Variants in PIEZO2 observed in about 807,000 individuals in gnomAD.
PIEZO2 encodes piezo-type mechanosensitive ion channel component 2.
A neutral mutation model predicts 337.3 loss-of-function variants in PIEZO2; 172 were observed. The ratio of observed to expected loss-of-function variants is 0.51; its 90% confidence interval spans 0.45 to 0.58. The LOEUF is 0.58. Among genes scored for constraint, PIEZO2 ranks in the 20% least tolerant of loss-of-function variants. The pLI is 0.00. For missense variants in PIEZO2, 3,028 were observed against 3,391.3 expected, an observed-to-expected ratio of 0.89 and a Z score of 2.66; for synonymous variants, 1,251 against 1,228.5, an observed-to-expected ratio of 1.02 and a Z score of -0.38.
Position 10,675,242 on chromosome 18 carries a change from A to T in PIEZO2, c.8128T>A (p.Ser2710Thr). The T allele has an allele frequency of 6.4e-7, 1 of 1,553,094 alleles. No homozygotes were observed. The highest frequency in any genetic ancestry group is 8.7e-7 in the Non-Finnish European group (1 of 1,146,768). ...AGTTGCTTTATAGGTTTTGAGTTAG[A>T]ATCACTAGGTGCTTTCACATAATAT... Reference protein sequence around the residue: ...YPYYVKAPSDSNSKPIKQLLS... With the variant: ...YPYYVKAPSDTNSKPIKQLLS... The change falls in exon 54 of 56, where the codon TCT becomes ACT. Residue 2710 changes from serine to threonine, a missense_variant. This residue lies in a region of PIEZO2 where 332 missense variants were observed against 363.8 expected (regional missense o/e 0.91). Coordinates refer to ENST00000674853, the MANE Select transcript of PIEZO2 (RefSeq NM_001378183.1).
chr18:10,778,226 G>A (rs1189246749), intron 18 of PIEZO2, among the ~76,000 whole-genome samples: 2 of 152,044 alleles, frequency 1.3e-5, no homozygotes, highest in African/African-American at 2.4e-5. Context: ...CATTCTAATG[G>A]ATAATCAGCC....
Position 10,973,461 on chromosome 18 carries a change from G to A in PIEZO2, c.286+6074C>T, listed in dbSNP as rs2034321650. Among the ~76,000 whole-genome samples, 1 of 152,170 alleles carries A rather than the reference G, an allele frequency of 6.6e-6. No homozygotes were observed. The highest frequency in any genetic ancestry group is 2.4e-5 in the African/African-American group (1 of 41,438). ...AGGCAGTGCCTCAATCACCAGGGGTGGAAGAAAACAGCACTTAAGGCAAAG... is the reference window on the plus strand; with the variant it reads ...AGGCAGTGCCTCAATCACCAGGGGTAGAAGAAAACAGCACTTAAGGCAAAG... On this transcript the variant is annotated intron_variant, in intron 3 of 55. Coordinates refer to ENST00000674853, the MANE Select transcript of PIEZO2 (RefSeq NM_001378183.1). This position sits in a 1 kb window ranked among gnomAD's most constrained non-coding sequence, Gnocchi z 4.9.
chr18:11,007,735 G>A (rs894726708), intron 2 of PIEZO2, among the ~76,000 whole-genome samples: 1 of 152,122 alleles, frequency 6.6e-6, no homozygotes, highest in African/African-American at 2.4e-5. Context: ...CTGAACTGAG[G>A]GGGGTGGCAA....
intron 2 of PIEZO2, among the ~76,000 whole-genome samples, chr18:10,995,148 A>G (rs1357408676): frequency 6.7e-6 from 1 of 150,220 alleles, no homozygotes; most frequent in East Asian, 1.9e-4. Flanking sequence ...TTTTTTTTAA[A>G]TTTTTTGACT....
At chr18:10,975,765 T>G (rs1269878289) in intron 3 of PIEZO2, among the ~76,000 whole-genome samples, 1 of 152,146 alleles carries the variant, frequency 6.6e-6, no homozygotes, top group African/African-American at 2.4e-5. Context: ...AAAGAAGTTG[T>G]TAGGAAAACA....
chr18:10,976,452 C>T (rs1328184986), intron 3 of PIEZO2, among the ~76,000 whole-genome samples: 2 of 152,304 alleles, frequency 1.3e-5, no homozygotes, highest in East Asian at 3.9e-4. Flanking sequence ...CAATCTTTCA[C>T]ATATCCCTTC....
At chr18:11,075,870 G>A (rs2038523663) in intron 1 of PIEZO2, among the ~76,000 whole-genome samples, 1 of 148,106 alleles carries the variant, frequency 6.8e-6, no homozygotes, top group African/African-American at 2.5e-5. Context: ...CTCACTGCAA[G>A]CTCTGCCTCC....
intron 2 of PIEZO2, among the ~76,000 whole-genome samples, chr18:10,997,317 C>T (rs1223043051): frequency 6.6e-6 from 1 of 151,076 alleles, no homozygotes; most frequent in African/African-American, 2.4e-5. Flanking sequence ...TAATATGACC[C>T]AGAGTCACAT....
intron 3 of PIEZO2, among the ~76,000 whole-genome samples, chr18:10,966,600 T>G (rs1178362470): frequency 6.6e-6 from 1 of 152,152 alleles, no homozygotes; most frequent in Non-Finnish European, 1.5e-5. Context: ...GAGTAGCTGT[T>G]ATTTTTTTAA....
At chr18:10,725,228 A>G in intron 36 of PIEZO2, 1 of 1,567,176 alleles carries the variant, frequency 6.4e-7, no homozygotes, top group Admixed American at 1.7e-5. Flanking sequence ...TTTGGAACCT[A>G]CGAACACTTT....
intron 1 of PIEZO2, among the ~76,000 whole-genome samples, chr18:11,081,706 A>G (rs2038746349): frequency 6.6e-6 from 1 of 151,636 alleles, no homozygotes; most frequent in Admixed American, 6.6e-5. Flanking sequence ...CTGAACTGAG[A>G]CCAAAAGTTT....
chr18:10,738,627 G>A (rs986232396), intron 33 of PIEZO2: 3 of 152,186 alleles, frequency 2.0e-5, no homozygotes, highest in Admixed American at 6.5e-5. Flanking sequence ...CTCAGATGGC[G>A]AACCTGACTC....
chr18:10,972,848 G>T (rs369961571), intron 3 of PIEZO2, among the ~76,000 whole-genome samples: 2 of 152,254 alleles, frequency 1.3e-5, no homozygotes, highest in African/African-American at 4.8e-5. Context: ...ACAACAGCTT[G>T]TACTATTTGA....
In PIEZO2 at chr18:10,813,110, T is replaced by C. The variant is rs1169435186; in HGVS notation, c.918-5836A>G. On this transcript the variant is annotated intron_variant, in intron 7 of 55. Coordinates refer to ENST00000674853, the MANE Select transcript of PIEZO2 (RefSeq NM_001378183.1). This position sits in a 1 kb window ranked among gnomAD's most constrained non-coding sequence, Gnocchi z 4.2. ...TTCTCCTGCCTCAGCCTCCGGAGTA[T>C]CTAGGATTACAGGCACGCGCCACCA... 6.6e-6 allele frequency among the ~76,000 whole-genome samples: 1 copy of C among 151,704 alleles called. No homozygotes were observed. The highest frequency in any genetic ancestry group is 2.4e-5 in the African/African-American group (1 of 41,280).
intron 2 of PIEZO2, among the ~76,000 whole-genome samples, chr18:11,012,071 GAA>G (rs35347689): frequency 6.6e-6 from 1 of 151,564 alleles, no homozygotes; most frequent in Non-Finnish European, 1.5e-5. Flanking sequence ...TTGCAAAAGC[GAA>G]AAAAAAAGTT....
Position 10,707,227 on chromosome 18 carries a change from C to G in PIEZO2, c.5588+1048G>C, listed in dbSNP as rs138485191. 6.6e-6 allele frequency among the ~76,000 whole-genome samples: 1 copy of G among 152,176 alleles called. No homozygotes were observed. The highest frequency in any genetic ancestry group is 2.4e-5 in the African/African-American group (1 of 41,440). ...ACTTGCAGACTACTGGAGCCAACCC[C>G]GCACCAGGTCTCATGGCCAGTAAGA... On this transcript the variant is annotated intron_variant, in intron 40 of 55. Transcript: ENST00000674853. This position sits in a 1 kb window ranked among gnomAD's most constrained non-coding sequence, Gnocchi z 4.2.
rs1046380984 is a variant in PIEZO2, at chr18:10,713,351, T to G, written c.5423+1413A>C. ...AATTAGCACTTTAGGGCAAAACTTTTTGGTTTTTTTTTTACCCACATTCCT... is the reference window on the plus strand; with the variant it reads ...AATTAGCACTTTAGGGCAAAACTTTGTGGTTTTTTTTTTACCCACATTCCT... On this transcript the variant is annotated intron_variant, in intron 39 of 55. Transcript: ENST00000674853. The surrounding 1 kb of genome is among the most constrained non-coding windows in gnomAD (Gnocchi z 4.5). Among the ~76,000 whole-genome samples the G allele has an allele frequency of 2.6e-5, 4 of 152,204 alleles. No individual in the cohort carries two copies. Among genetic ancestry groups the G allele is most frequent in the Middle Eastern group, 3.4e-3 (1 of 294 alleles).
At chr18:10,840,591 T>C (rs2041159878) in intron 7 of PIEZO2, among the ~76,000 whole-genome samples, 1 of 152,106 alleles carries the variant, frequency 6.6e-6, no homozygotes, top group Admixed American at 6.5e-5. Flanking sequence ...ATACAAGTAA[T>C]CTATTTATAG....
intron 44 of PIEZO2, 120 bp downstream of exon 44, chr18:10,698,805 T>G: frequency 7.7e-7 from 1 of 1,299,432 alleles, no homozygotes; most frequent in Non-Finnish European, 1.0e-6. Context: ...TCTTTTCACA[T>G]AACAATGTCT....
Sources: gnomAD v4.1 joint callset for allele counts (sites outside exome capture counted in the v4.1 genomes callset) on GRCh38, gnomAD v4.1.1 for gene constraint, gnomAD v4.1.1 regional missense constraint, Gnocchi (gnomAD v3.1) non-coding constraint, MANE v1.5 for transcripts, NCBI Gene and HGNC (gene_info 2026-07-23, HGNC 2026-07-21) for gene names.